PDE8A: variants seen among roughly 807,000 people sequenced by gnomAD.
The protein encoded by PDE8A is phosphodiesterase 8A, also known as high affinity cAMP-specific and IBMX-insensitive 3',5'-cyclic phosphodiesterase 8A.
Under a neutral mutation model 105.0 loss-of-function variants are expected in PDE8A, and 59 were observed. That is an observed-to-expected ratio of 0.56 (90% CI 0.46 to 0.70). The LOEUF is 0.70. Among genes scored for constraint, PDE8A ranks in the 30% least tolerant of loss-of-function variants. The probability of loss-of-function intolerance (pLI) is 0.00; values close to 1 mark genes in which losing one functional copy is unlikely to be tolerated. For missense variants in PDE8A, 1,014 were observed against 1,045.9 expected (o/e 0.97, Z 0.42); for synonymous variants, 355 against 371.9 (o/e 0.95, Z 0.52).
At chr15:85,076,815 G>A (rs2081387176) in intron 5 of PDE8A, 28 bp downstream of exon 5, 1 of 1,318,054 alleles carries the variant, frequency 7.6e-7, no homozygotes, top group Non-Finnish European at 1.1e-6. Flanking sequence ...TGTTATACAA[G>A]TATAATTCAA....
chr15:85,050,282 A>T lies in PDE8A; in HGVS notation c.187-14088A>T, dbSNP rs536480978. 1.7e-3 allele frequency among the ~76,000 whole-genome samples: 266 copies of T among 152,100 alleles called. 2 individuals are homozygous for T. Among genetic ancestry groups the T allele is most frequent in the Non-Finnish European group, 3.2e-3 (215 of 67,976 alleles). Reference sequence around the variant, plus strand: ...TGTGGATTGCATTTTTACTCTGTTGATGTTGTCTTTTTATGCACAAAATTT... The same window carrying T: ...TGTGGATTGCATTTTTACTCTGTTGTTGTTGTCTTTTTATGCACAAAATTT... On this transcript the variant is annotated intron_variant, in intron 1 of 21. Transcript: ENST00000394553.
chr15:84,999,105 C>T (rs12439284), intron 1 of PDE8A, among the ~76,000 whole-genome samples: 1,539 of 149,876 alleles, frequency 0.01, 92 homozygotes, highest in Admixed American at 0.095. Context: ...GGTAAATTTT[C>T]CTGATAGGTC....
intron 11 of PDE8A, among the ~76,000 whole-genome samples, chr15:85,104,193 C>T (rs1287215120): frequency 1.3e-5 from 2 of 152,288 alleles, no homozygotes; most frequent in South Asian, 2.1e-4. Context: ...ACATGAGTTT[C>T]GCTGTCTGGT....
intron 3 of PDE8A, among the ~76,000 whole-genome samples, chr15:85,071,191 T>G (rs1013611426): frequency 1.3e-5 from 2 of 151,540 alleles, no homozygotes; most frequent in Non-Finnish European, 2.9e-5. Context: ...TCTTTGAAGC[T>G]GAAATACCAG....
chr15:85,023,703 G>A (rs983538819), intron 1 of PDE8A, among the ~76,000 whole-genome samples: 1 of 152,142 alleles, frequency 6.6e-6, no homozygotes, highest in Admixed American at 6.5e-5. Flanking sequence ...AGTGGAGCAG[G>A]GTAAGGTGAA....
chr15:85,084,718 A>G (rs55666458), intron 6 of PDE8A, among the ~76,000 whole-genome samples: 13,437 of 152,218 alleles, frequency 0.088, 1,632 homozygotes, highest in African/African-American at 0.28. Flanking sequence ...AAATGGCAAA[A>G]ATAGTGCTTT....
At chr15:85,087,285 C>T (rs2081570105) in intron 6 of PDE8A, among the ~76,000 whole-genome samples, 1 of 152,132 alleles carries the variant, frequency 6.6e-6, no homozygotes, top group Non-Finnish European at 1.5e-5. Flanking sequence ...TCACTGCATC[C>T]TTGACCTCTT....
At chr15:84,994,792 G>C (rs1204987354) in intron 1 of PDE8A, among the ~76,000 whole-genome samples, 1 of 152,074 alleles carries the variant, frequency 6.6e-6, no homozygotes, top group African/African-American at 2.4e-5. Context: ...GTGAAACCCT[G>C]TCTCTACTAA....
intron 1 of PDE8A, among the ~76,000 whole-genome samples, chr15:85,060,824 T>G (rs1400182236): frequency 6.6e-6 from 1 of 152,248 alleles, no homozygotes; most frequent in African/African-American, 2.4e-5. Flanking sequence ...AAAGGAGTTA[T>G]AAGCCATTTA....
intron 7 of PDE8A, among the ~76,000 whole-genome samples, chr15:85,089,845 T>C (rs2081613374): frequency 6.6e-6 from 1 of 152,202 alleles, no homozygotes; most frequent in Non-Finnish European, 1.5e-5. Context: ...TAGAAACAAC[T>C]AAAAGTTTCA....
intron 1 of PDE8A, chr15:85,063,764 T>A (rs973227874): frequency 6.6e-6 from 1 of 152,476 alleles, no homozygotes; most frequent in Non-Finnish European, 1.5e-5. Context: ...GTGATTGTTA[T>A]TACTCACTGG....
At chr15:85,062,816 C>T (rs1285393464) in intron 1 of PDE8A, 1 of 152,234 alleles carries the variant, frequency 6.6e-6, no homozygotes, top group Non-Finnish European at 1.5e-5. Flanking sequence ...CAGACATATT[C>T]TGCCAGTGCA....
intron 11 of PDE8A, among the ~76,000 whole-genome samples, chr15:85,108,743 T>C (rs1052442405): frequency 1.3e-5 from 2 of 152,186 alleles, no homozygotes; most frequent in East Asian, 3.8e-4. Flanking sequence ...TATTCAATTA[T>C]ATAGAAATAT....
chr15:85,006,169 C>T (rs942004728), intron 1 of PDE8A, among the ~76,000 whole-genome samples: 10 of 151,948 alleles, frequency 6.6e-5, no homozygotes, highest in African/African-American at 1.9e-4. Context: ...TGCTAAATGA[C>T]GAGTTAATGG....
chr15:85,096,130 C>T (rs1238637547), intron 8 of PDE8A, among the ~76,000 whole-genome samples: 3 of 152,246 alleles, frequency 2.0e-5, no homozygotes, highest in South Asian at 2.1e-4. Flanking sequence ...TCGCCTCAGC[C>T]TCCCAAAGTG....
chr15:85,055,131 T>C (rs1165440682), intron 1 of PDE8A, among the ~76,000 whole-genome samples: 5 of 152,204 alleles, frequency 3.3e-5, no homozygotes, highest in Non-Finnish European at 7.3e-5. Flanking sequence ...TTTGAGTGAG[T>C]TTCTTAATCC....
At chr15:85,004,960 A>G (rs574870367) in intron 1 of PDE8A, among the ~76,000 whole-genome samples, 63 of 151,630 alleles carry the variant, frequency 4.2e-4, no homozygotes, top group Admixed American at 1.2e-3. Context: ...TAATGGAATC[A>G]TATGGACTCA....
chr15:85,001,503 A>G (rs904897119), intron 1 of PDE8A, among the ~76,000 whole-genome samples: 1 of 152,160 alleles, frequency 6.6e-6, no homozygotes, highest in African/African-American at 2.4e-5. Flanking sequence ...CTGTTTCACT[A>G]TGGCCTTGAG....
Position 85,138,009 on chromosome 15 carries a change from C to T in PDE8A, c.*106C>T. 1.5e-6 allele frequency: 1 copy of T among 684,932 alleles called. No individual in the cohort carries two copies. The highest frequency in any genetic ancestry group is 2.4e-5 in the Admixed American group (1 of 42,248). The allele number at this position is 684,932 out of a possible 1,614,324, so 42.4% of individuals were successfully genotyped here. A position where few individuals can be genotyped will look rare whatever the true frequency, so the allele number is the denominator to read the frequency against. On this transcript the variant is annotated 3_prime_UTR_variant, in exon 22 of 22. Coordinates refer to ENST00000394553, the MANE Select transcript of PDE8A (RefSeq NM_002605.3). ...CTTTCAGTACTAGGCAGAACAGCCC[C>T]CGATCTGCATAGCCTGTGAAAGCCC...
Sources: allele counts gnomAD v4.1 joint callset (sites outside exome capture counted in the v4.1 genomes callset), GRCh38; gene constraint gnomAD v4.1.1; transcripts MANE v1.5; gene names NCBI Gene and HGNC (gene_info 2026-07-23, HGNC 2026-07-21).